NASP: variants seen among roughly 807,000 people sequenced by gnomAD.
NASP encodes nuclear autoantigenic sperm protein.
A neutral mutation model predicts 89.5 loss-of-function variants in NASP; 24 were observed. The ratio of observed to expected loss-of-function variants is 0.27; its 90% CI spans 0.19 to 0.38. The LOEUF (loss-of-function observed/expected upper bound fraction) is 0.38. NASP is among the 10% of genes least tolerant of loss of function. NASP has a pLI of 1.00. For synonymous variants in NASP, 306 were observed against 324.7 expected, an observed-to-expected ratio of 0.94 and a Z score of 0.62; for missense variants, 848 against 921.4, an observed-to-expected ratio of 0.92 and a Z score of 1.03.
At chr1:45,585,299 C>T (rs1644516870) in intron 1 of NASP, among the ~76,000 whole-genome samples, 1 of 152,038 alleles carries the variant, frequency 6.6e-6, no homozygotes, top group Non-Finnish European at 1.5e-5. Flanking sequence ...GGTTAGTTGC[C>T]TTCCCTGTAA....
At chr1:45,607,243 T>G in intron 5 of NASP, 78 bp from the exon 6 acceptor site, 2 of 1,423,668 alleles carry the variant, frequency 1.4e-6, no homozygotes, top group Non-Finnish European at 1.9e-6. Context: ...TTAAAGGGAA[T>G]GTATTTTTAG....
chr1:45,616,231 T>G, intron 11 of NASP, 106 bp from the exon 12 acceptor site: 1 of 1,041,422 alleles, frequency 9.6e-7, no homozygotes, highest in Non-Finnish European at 1.5e-6. Context: ...GCCACTAGCA[T>G]TTCAGGTCTT....
rs546440851 is a variant in NASP at position 45,599,118 on chromosome 1, TTTTGTTTG to T, written c.108-3116_108-3109del. ...TTTTTTTTAAATAGAGAAAGAGTGT[TTTTGTTTG>T]TTTGTTTGTTTGTTTGTTTGGACAT... is the stretch of plus-strand genomic sequence containing the variant. On this transcript the variant is annotated intron_variant, in intron 2 of 14. Transcript: ENST00000350030. Among the ~76,000 whole-genome samples the T allele has an allele frequency of 1.2e-3, 185 of 151,870 alleles. No homozygotes were observed. In the East Asian group the frequency reaches 0.013, roughly 11 times the overall value.
chr1:45,589,894 G>T (rs923106687), intron 1 of NASP, among the ~76,000 whole-genome samples: 1 of 151,988 alleles, frequency 6.6e-6, no homozygotes, highest in African/African-American at 2.4e-5. Context: ...GAGAAGGACT[G>T]TCTCAAAAAC....
chr1:45,600,203 A>C (rs138281397), intron 2 of NASP, among the ~76,000 whole-genome samples: 3 of 152,224 alleles, frequency 2.0e-5, no homozygotes, highest in African/African-American at 4.8e-5. Context: ...TCTTAAAGCT[A>C]TAAGAAACAT....
At chr1:45,594,817 A>AC in intron 2 of NASP, 4 of 401,080 alleles carry the variant, frequency 1.0e-5, no homozygotes, top group Middle Eastern at 3.5e-4. Context: ...TTTTTAGAGG[A>AC]CCAGAATATT....
At chr1:45,604,781 C>G (rs927850678) in intron 3 of NASP, 155 bp from the exon 4 acceptor site, 35 of 577,856 alleles carry the variant, frequency 6.1e-5, no homozygotes, top group South Asian at 1.1e-4. Context: ...AATTTTCATG[C>G]ATTGTTTAAT....
rs773923469 is a variant in NASP, at chr1:45,618,132, T to G, written c.2358T>G (p.Thr786=). ...TVEAGATVES[T]AC ...AGGCTGGAGCTACAGTTGAAAGCAC[T>G]GCATGTTAAGAGGGGGCACAGCCCT... The change falls in exon 15 of 15, where the codon ACT becomes ACG. Residue 786 remains threonine (T), a synonymous_variant. Coordinates refer to ENST00000350030, the MANE Select transcript of NASP (RefSeq NM_002482.4). 1.3e-6 allele frequency: 2 copies of G among 1,592,990 alleles called. No homozygotes were observed. Among genetic ancestry groups the G allele is most frequent in the Non-Finnish European group, 1.7e-6 (2 of 1,169,080 alleles).
chr1:45,617,789 T>G (rs939811221), intron 14 of NASP, among the ~76,000 whole-genome samples, 198 bp downstream of exon 14: 1 of 152,224 alleles, frequency 6.6e-6, no homozygotes, highest in African/African-American at 2.4e-5. Context: ...AAATGGAACC[T>G]GTATATTATA....
At chr1:45,605,357 A>G (rs1643894117) in intron 4 of NASP, among the ~76,000 whole-genome samples, 1 of 152,230 alleles carries the variant, frequency 6.6e-6, no homozygotes, top group African/African-American at 2.4e-5. Flanking sequence ...GACTTTTACT[A>G]TTGAAAAGTT....
chr1:45,607,786 C>A lies in NASP; in HGVS notation c.875C>A (p.Ala292Glu), dbSNP rs1310708048. ...PVVTLEKQGTAVEVEAESLDP... is the reference protein window; with the variant it reads ...PVVTLEKQGTEVEVEAESLDP... ...GTGACTCTAGAAAAGCAGGGCACTGCAGTGGAGGTAGAAGCAGAGTCTTTA... is the reference window on the plus strand; with the variant it reads ...GTGACTCTAGAAAAGCAGGGCACTGAAGTGGAGGTAGAAGCAGAGTCTTTA... Residue 292 changes from alanine to glutamate, a missense_variant, in exon 6 of 15, where the codon GCA becomes GAA. Coordinates refer to ENST00000350030, the MANE Select transcript of NASP (RefSeq NM_002482.4). 6.2e-7 allele frequency: 1 copy of A among 1,614,132 alleles called. No homozygotes were observed. Among genetic ancestry groups the A allele is most frequent in the Admixed American group, 1.7e-5 (1 of 60,018 alleles).
intron 1 of NASP, among the ~76,000 whole-genome samples, chr1:45,584,741 C>T (rs1644504369): frequency 6.6e-6 from 1 of 152,020 alleles, no homozygotes; most frequent in African/African-American, 2.4e-5. Context: ...CCTCGCCGGC[C>T]CTGGGGCAGG....
At chr1:45,606,306 T>C (rs1557659830) in intron 4 of NASP, among the ~76,000 whole-genome samples, 176 bp from the exon 5 acceptor site, 1 of 152,200 alleles carries the variant, frequency 6.6e-6, no homozygotes, top group Non-Finnish European at 1.5e-5. Context: ...GCTCTTGCAG[T>C]CTTAATTTAT....
At chr1:45,587,687 T>TATATATATATATATATATATATATATAA (rs66829841) in intron 1 of NASP, among the ~76,000 whole-genome samples, 1,428 of 78,098 alleles carry the variant, frequency 0.018, 270 homozygotes, top group East Asian at 0.025. Flanking sequence ...TATATATATA[T>TATATATATATATATATATATATATATAA]AATTAATTTT....
chr1:45,591,014 T>A (rs143468725), intron 1 of NASP, among the ~76,000 whole-genome samples: 1 of 152,346 alleles, frequency 6.6e-6, no homozygotes, highest in African/African-American at 2.4e-5. Flanking sequence ...GTTATAGCTG[T>A]GAAGTTGCCA....
chr1:45,588,841 C>T (rs758851077), intron 1 of NASP: 8 of 242,622 alleles, frequency 3.3e-5, no homozygotes, highest in South Asian at 7.3e-5. Context: ...GGCGTGAACC[C>T]GGGAGGCGGA....
At chr1:45,589,997 G>A (rs1643491436) in intron 1 of NASP, among the ~76,000 whole-genome samples, 1 of 152,164 alleles carries the variant, frequency 6.6e-6, no homozygotes, top group Admixed American at 6.5e-5. Context: ...CTCAGAGCAT[G>A]GTTCTAGAAA....
intron 4 of NASP, among the ~76,000 whole-genome samples, chr1:45,606,047 A>T (rs986568100): frequency 2.0e-5 from 3 of 152,178 alleles, no homozygotes; most frequent in African/African-American, 7.2e-5. Context: ...AAGTGATGGG[A>T]TTATAGGCGT....
rs529944328 is a variant in NASP, at chr1:45,615,083, C to T, written c.1737C>T (p.His579=). 8.1e-6 allele frequency: 13 copies of T among 1,614,014 alleles called. No homozygotes were observed. The highest frequency in any genetic ancestry group is 1.0e-5 in the Non-Finnish European group (12 of 1,180,042). ...TGCAGGAACAGTACCTGGAAGCCCA[C>T]GACCGTCTCCTTGCAGAGACCCACT... The part of the protein sequence containing the change: ...LNLQEQYLEA[H]DRLLAETHYQ... Residue 579 remains histidine, a synonymous_variant, in exon 10 of 15, where the codon CAC becomes CAT. Transcript: ENST00000350030.
Sources: gnomAD v4.1 joint callset for allele counts (sites outside exome capture counted in the v4.1 genomes callset) on GRCh38, gnomAD v4.1.1 for gene constraint, MANE v1.5 for transcripts, NCBI Gene and HGNC (gene_info 2026-07-23, HGNC 2026-07-21) for gene names.